SLC48A1: variants seen among roughly 807,000 people sequenced by gnomAD.
The protein encoded by SLC48A1 is solute carrier family 48 member 1, also known as heme transporter HRG1.
In SLC48A1, 6 loss-of-function variants were observed where a neutral mutation model predicts 14.8. The observed-to-expected ratio is 0.41, with a 90% CI of 0.22 to 0.80. The LOEUF (loss-of-function observed/expected upper bound fraction) is 0.80. Among genes scored for constraint, SLC48A1 ranks in the 30% least tolerant of loss-of-function variants. The pLI is 0.34. For missense variants in SLC48A1, 165 were observed against 204.8 expected, an observed-to-expected ratio of 0.81 and a Z score of 1.19; for synonymous variants, 89 against 90.0, an observed-to-expected ratio of 0.99 and a Z score of 0.06.
chr12:47,776,307 G>A (rs1942752417), intron 1 of SLC48A1, among the ~76,000 whole-genome samples: 2 of 152,240 alleles, frequency 1.3e-5, no homozygotes, highest in African/African-American at 4.8e-5. Flanking sequence ...CTTGAAACAG[G>A]TAGGATGGAG....
upstream of SLC48A1, chr12:47,757,757 G>A: frequency 1.8e-6 from 2 of 1,100,072 alleles, no homozygotes; most frequent in Admixed American, 4.5e-5. Context: ...CTGTACCACT[G>A]TACACCCCCA....
rs74641985 is a variant in SLC48A1, at chr12:47,779,777, G to A, written c.305-368G>A. Among the ~76,000 whole-genome samples the A allele has an allele frequency of 5.1e-3, 783 of 152,342 alleles. 8 individuals are homozygous for A. Among genetic ancestry groups the A allele is most frequent in the East Asian group, 0.028 (147 of 5,176 alleles). ...AGGTGAGGGGCAAGCGAGCCTTACC[G>A]CCTGAGCTCTGCCTCCTGTCAGGTC... On this transcript the variant is annotated intron_variant, in intron 2 of 2. Coordinates refer to ENST00000442218, the MANE Select transcript of SLC48A1 (RefSeq NM_017842.3).
At position 47,780,214 on chromosome 12, in the gene SLC48A1, T is replaced by C; in HGVS notation, c.374T>C (p.Leu125Pro). 1 of 1,614,184 alleles carries C rather than the reference T, an allele frequency of 6.2e-7. No homozygotes were observed. The highest frequency in any genetic ancestry group is 8.5e-7 in the Non-Finnish European group (1 of 1,180,010). Residue 125 changes from leucine to proline, a missense_variant, in exon 3 of 3, where the codon CTG (leucine) becomes CCG (proline). By Grantham distance (98) the Leu-to-Pro change is moderately conservative. Coordinates refer to ENST00000442218, the MANE Select transcript of SLC48A1 (RefSeq NM_017842.3). ...WSFISFKWAF[L>P]LSLYAHRYRA... is the part of the protein sequence containing the mutation. ...TTCATTTCCTTCAAGTGGGCCTTCC[T>C]GCTCAGCCTCTATGCCCACCGCTAC... is the stretch of plus-strand genomic sequence containing the variant.
Position 47,780,568 on chromosome 12 carries a change from C to CTT in SLC48A1, c.*302_*303dup, listed in dbSNP as rs60379857. ...GTTTTCTTTTCTTTCTTTTTTTTTT[C>CTT]TTTTTTTTTTTTTTTTGAGATGGAG... is the stretch of plus-strand genomic sequence containing the variant. On this transcript the variant is annotated 3_prime_UTR_variant, in exon 3 of 3. Coordinates refer to ENST00000442218, the MANE Select transcript of SLC48A1 (RefSeq NM_017842.3). 9.0e-3 allele frequency: 3,780 copies of CTT among 419,850 alleles called. 3 individuals are homozygous for CTT. The highest frequency in any genetic ancestry group is 0.034 in the East Asian group (492 of 14,476). 26.0% of individuals were successfully genotyped at this position (419,850 alleles called of 1,614,324 possible).
exon 2 of SLC48A1, chr12:47,760,361 C>T (rs926421980): frequency 1.5e-5 from 15 of 985,310 alleles, no homozygotes; most frequent in African/African-American, 7.0e-5. Flanking sequence ...GAAGAGCAAC[C>T]TGGAAACTGA....
chr12:47,755,150 A>G (rs77592457), upstream of SLC48A1, among the ~76,000 whole-genome samples: 33 of 152,192 alleles, frequency 2.2e-4, no homozygotes, highest in East Asian at 5.4e-3. Flanking sequence ...TGTGGTTATG[A>G]GCTTGGACTC....
upstream of SLC48A1, among the ~76,000 whole-genome samples, chr12:47,757,449 C>T (rs1335343171): frequency 6.6e-6 from 1 of 152,126 alleles, no homozygotes; most frequent in African/African-American, 2.4e-5. Flanking sequence ...AGTTCAGTAA[C>T]TCACTAAAGG....
chr12:47,762,859 A>G (rs1942417317), intron 2 of SLC48A1, among the ~76,000 whole-genome samples: 1 of 152,240 alleles, frequency 6.6e-6, no homozygotes. Flanking sequence ...TATTCAAGGA[A>G]TCTTGAATTC....
At chr12:47,762,818 G>T (rs1002748639) in intron 2 of SLC48A1, among the ~76,000 whole-genome samples, 1 of 152,066 alleles carries the variant, frequency 6.6e-6, no homozygotes, top group Non-Finnish European at 1.5e-5. Flanking sequence ...ACCTTGCCTC[G>T]CTCAGTCCTT....
intron 1 of SLC48A1, among the ~76,000 whole-genome samples, chr12:47,775,377 G>A (rs779095259): frequency 7.9e-5 from 12 of 152,164 alleles, no homozygotes; most frequent in African/African-American, 2.9e-4. Flanking sequence ...GCAGCAGCTC[G>A]CTAGGGCAGC....
upstream of SLC48A1, chr12:47,757,937 G>T: frequency 6.4e-7 from 1 of 1,557,484 alleles, no homozygotes. Flanking sequence ...CTTCGGGGCC[G>T]GTGCATCCTT....
At chr12:47,764,820 G>A (rs759279814) in intron 2 of SLC48A1, among the ~76,000 whole-genome samples, 3 of 152,014 alleles carry the variant, frequency 2.0e-5, no homozygotes, top group African/African-American at 4.8e-5. Context: ...GGCTCACGCC[G>A]GTAATCCCAG....
At position 47,780,476 on chromosome 12, in the gene SLC48A1, G is replaced by A; in HGVS notation, c.*195G>A. ...AGGAAACCTGAGTGTGGTAGAGAGG[G>A]GATCCTGCCATGTTGCTCCTCATCA... is the stretch of plus-strand genomic sequence containing the variant. On this transcript the variant is annotated 3_prime_UTR_variant, in exon 3 of 3. Coordinates refer to ENST00000442218, the MANE Select transcript of SLC48A1 (RefSeq NM_017842.3). 1 of 859,656 alleles carries A rather than the reference G, an allele frequency of 1.2e-6. No homozygotes were observed. The highest frequency in any genetic ancestry group is 1.6e-5 in the African/African-American group (1 of 60,648). 53.3% of individuals were successfully genotyped at this position (859,656 alleles called of 1,614,324 possible).
Position 47,781,188 on chromosome 12 carries a change from C to G in SLC48A1, c.*907C>G. On this transcript the variant is annotated 3_prime_UTR_variant, in exon 3 of 3. Transcript: ENST00000442218. Reference sequence around the variant, plus strand: ...TCACTCACACACACAGGCATCCATACACCCCAGAAGACTTCCCAAATGAGG... The same window carrying G: ...TCACTCACACACACAGGCATCCATAGACCCCAGAAGACTTCCCAAATGAGG... 3.3e-6 allele frequency: 1 copy of G among 303,166 alleles called. No individual in the cohort carries two copies. Among genetic ancestry groups the G allele is most frequent in the Non-Finnish European group, 6.5e-6 (1 of 154,484 alleles). The allele number at this position is 303,166 out of a possible 1,614,324, so 18.8% of individuals were successfully genotyped here.
upstream of SLC48A1, among the ~76,000 whole-genome samples, chr12:47,756,990 G>T (rs1274569214): frequency 2.6e-5 from 4 of 151,364 alleles, no homozygotes; most frequent in East Asian, 7.7e-4. Context: ...AGAAAGAAAA[G>T]AAAAAAGAAA....
chr12:47,773,380 T>C lies in SLC48A1; in HGVS notation c.76T>C (p.Phe26Leu). The C allele has an allele frequency of 6.8e-7, 1 of 1,477,626 alleles. No individual in the cohort carries two copies. Among genetic ancestry groups the C allele is most frequent in the Non-Finnish European group, 9.0e-7 (1 of 1,113,222 alleles). The allele number at this position is 1,477,626 out of a possible 1,614,324, so 91.5% of individuals were successfully genotyped here. ...CAGCTCCGTGGCCGGCTTCTCCATC[T>C]TCCTCGTCTGGACGGTGGTCTACCG... Reference protein sequence around the residue: ...GISSVAGFSIFLVWTVVYRQP... With the variant: ...GISSVAGFSILLVWTVVYRQP... Residue 26 changes from phenylalanine to leucine, a missense_variant, in exon 1 of 3, where the codon TTC (phenylalanine) becomes CTC (leucine). Coordinates refer to ENST00000442218, the MANE Select transcript of SLC48A1 (RefSeq NM_017842.3).
At chr12:47,773,145 C>G, upstream of SLC48A1, 3 of 965,492 alleles carry the variant, frequency 3.1e-6, no homozygotes, top group Non-Finnish European at 3.7e-6. Flanking sequence ...GGCCTCCGGC[C>G]GGGGAGGGCG....
Position 47,780,568 on chromosome 12 carries a change from CTTTTTTT to C in SLC48A1, c.*297_*303del. ...GTTTTCTTTTCTTTCTTTTTTTTTT[CTTTTTTT>C]TTTTTTTTTGAGATGGAGTCTTACT... On this transcript the variant is annotated 3_prime_UTR_variant, in exon 3 of 3. Coordinates refer to ENST00000442218, the MANE Select transcript of SLC48A1 (RefSeq NM_017842.3). The C allele has an allele frequency of 2.4e-6, 1 of 424,642 alleles. No individual in the cohort carries two copies. Among genetic ancestry groups the C allele is most frequent in the Admixed American group, 3.0e-5 (1 of 33,134 alleles). 26.3% of individuals were successfully genotyped at this position (424,642 alleles called of 1,614,324 possible). A position where few individuals can be genotyped will look rare whatever the true frequency, so the allele number is the denominator to read the frequency against.
In SLC48A1 at chr12:47,781,037, G is replaced by A; in HGVS notation, c.*756G>A. 1 of 419,798 alleles carries A rather than the reference G, an allele frequency of 2.4e-6. No homozygotes were observed. Among genetic ancestry groups the A allele is most frequent in the East Asian group, 6.2e-5 (1 of 16,188 alleles). The allele number at this position is 419,798 out of a possible 1,614,324, so 26.0% of individuals were successfully genotyped here. On this transcript the variant is annotated 3_prime_UTR_variant, in exon 3 of 3. Coordinates refer to ENST00000442218, the MANE Select transcript of SLC48A1 (RefSeq NM_017842.3). Reference sequence around the variant, plus strand: ...CCCAAGGCCAGGTTGGGCACCTGGGGAGGTCAGTTCAGAAATATCTAGCAG... The same window carrying A: ...CCCAAGGCCAGGTTGGGCACCTGGGAAGGTCAGTTCAGAAATATCTAGCAG...
Sources: gnomAD v4.1 joint callset for allele counts (sites outside exome capture counted in the v4.1 genomes callset) on GRCh38, gnomAD v4.1.1 for gene constraint, MANE v1.5 for transcripts, NCBI Gene and HGNC (gene_info 2026-07-23, HGNC 2026-07-21) for gene names.